The following INSL6 variants were observed in gnomAD, a reference collection of about 807,000 sequenced individuals.
INSL6 encodes insulin-like peptide INSL6.
INSL6 carries 16 observed loss-of-function variants against 9.4 expected under a neutral mutation model. The observed-to-expected ratio is 1.70, with a 90% CI of 1.15 to 2.59. The LOEUF is 2.59. Among genes scored for constraint, INSL6 ranks in the 30% most tolerant of loss-of-function variants. The pLI is 0.00. For missense variants in INSL6, 391 were observed against 257.3 expected, an observed-to-expected ratio of 1.52 and a Z score of -3.56; for synonymous variants, 154 against 96.9, an observed-to-expected ratio of 1.59 and a Z score of -3.46.
chr9:5,078,371 C>A, the INSL6 span: 6 of 1,612,134 alleles, frequency 3.7e-6, no homozygotes, highest in Non-Finnish European at 5.1e-6. Context: ...GAGAAGAAGA[C>A]AGGAAGACAG....
chr9:5,127,054 T>C, intron 3 of INSL6: 1 of 273,370 alleles, frequency 3.7e-6, no homozygotes, highest in Non-Finnish European at 6.9e-6. Context: ...ATCACTCTTG[T>C]CTGGCAAAAG....
chr9:5,013,050 C>T, the INSL6 span, among the ~76,000 whole-genome samples: 1 of 152,112 alleles, frequency 6.6e-6, no homozygotes, highest in South Asian at 2.1e-4. Context: ...TATTGATGGA[C>T]TGGATATAGG....
intron 2 of INSL6, among the ~76,000 whole-genome samples, chr9:5,137,156 TAGAA>T (rs1255954280): frequency 6.6e-6 from 1 of 152,112 alleles, no homozygotes; most frequent in Non-Finnish European, 1.5e-5. Flanking sequence ...TGCTCATGGA[TAGAA>T]AGAATCAATA....
At chr9:5,097,465 A>G in the INSL6 span, 2 of 152,182 alleles carry the variant, frequency 1.3e-5, no homozygotes, top group East Asian at 3.8e-4. Context: ...ATTTGGGTAT[A>G]TGGGCATAGT....
chr9:5,024,110 G>T, the INSL6 span, among the ~76,000 whole-genome samples: 5 of 152,218 alleles, frequency 3.3e-5, no homozygotes, highest in African/African-American at 9.6e-5. Context: ...CAAAAAATTA[G>T]CCAGGTGTGG....
the INSL6 span, chr9:5,029,844 T>A: frequency 6.2e-7 from 1 of 1,611,504 alleles, no homozygotes; most frequent in Non-Finnish European, 8.5e-7. Flanking sequence ...GGATCTGGTA[T>A]CCACCCAACC....
chr9:5,101,223 G>T, the INSL6 span, among the ~76,000 whole-genome samples: 1 of 152,238 alleles, frequency 6.6e-6, no homozygotes, highest in South Asian at 2.1e-4. Context: ...CACACCAGGA[G>T]ATTATATCCC....
the INSL6 span, chr9:5,029,878 A>T: frequency 1.2e-6 from 2 of 1,612,670 alleles, no homozygotes; most frequent in South Asian, 1.1e-5. Context: ...AGATGAGTCA[A>T]CCAGGCATAA....
At chr9:5,016,097 C>T in the INSL6 span, among the ~76,000 whole-genome samples, 3 of 150,122 alleles carry the variant, frequency 2.0e-5, no homozygotes, top group African/African-American at 5.1e-5. Flanking sequence ...TACTGCCAGC[C>T]GTCGCTTCCC....
the INSL6 span, among the ~76,000 whole-genome samples, chr9:5,004,590 A>G: frequency 6.9e-3 from 1,051 of 152,300 alleles, 21 homozygotes; most frequent in African/African-American, 0.024. Context: ...TAATGCTGCA[A>G]TGAGCATGGG....
At chr9:5,034,727 A>G in the INSL6 span, among the ~76,000 whole-genome samples, 3 of 152,178 alleles carry the variant, frequency 2.0e-5, no homozygotes, top group Non-Finnish European at 4.4e-5. Flanking sequence ...TCTCTGGGAC[A>G]CATTCAAAGC....
the INSL6 span, among the ~76,000 whole-genome samples, chr9:5,070,254 T>A: frequency 2.6e-5 from 4 of 152,300 alleles, no homozygotes; most frequent in Non-Finnish European, 5.9e-5. Context: ...AAGAATGGAA[T>A]CTTAATTTTC....
At chr9:5,115,849 T>C in the INSL6 span, among the ~76,000 whole-genome samples, 2 of 151,642 alleles carry the variant, frequency 1.3e-5, no homozygotes, top group Admixed American at 6.6e-5. Context: ...TAAGTGGGAG[T>C]TGAACAATGA....
the INSL6 span, among the ~76,000 whole-genome samples, chr9:5,064,604 CTGAGA>C: frequency 6.6e-6 from 1 of 151,674 alleles, no homozygotes; most frequent in South Asian, 2.1e-4. Flanking sequence ...AGATTTCTAG[CTGAGA>C]TAACTGGTAT....
intron 1 of INSL6, among the ~76,000 whole-genome samples, chr9:5,171,438 C>T (rs907635126): frequency 1.3e-5 from 2 of 152,172 alleles, no homozygotes; most frequent in African/African-American, 4.8e-5. Flanking sequence ...TAAGGATGCC[C>T]TCTCATCACT....
At chr9:5,166,845 T>A (rs1417574928) in intron 1 of INSL6, among the ~76,000 whole-genome samples, 2 of 152,222 alleles carry the variant, frequency 1.3e-5, no homozygotes, top group African/African-American at 4.8e-5. Flanking sequence ...TATGAGATTT[T>A]AAAATATTTA....
the INSL6 span, chr9:5,089,881 A>G: frequency 7.0e-7 from 1 of 1,430,158 alleles, no homozygotes; most frequent in Non-Finnish European, 9.2e-7. Context: ...GCCCATTGAA[A>G]CCTATTTTAA....
rs748921712 is a variant in INSL6, at chr9:5,185,574, A to G, written c.29T>C (p.Leu10Pro). Residue 10 changes from leucine (L) to proline (P), a missense_variant, in exon 1 of 2, where the codon CTG (leucine) becomes CCG (proline). Physicochemically the swap from Leu to Pro is moderately conservative, Grantham distance 98 (BLOSUM62 -3). Coordinates refer to ENST00000381641, the MANE Select transcript of INSL6 (RefSeq NM_007179.3). MPRLLRLSL[L>P]WLGLLLVRFS... Reference sequence around the variant, plus strand: ...CCGAACCAGCAGGAGTCCAAGCCACAGCAGGGACAAGCGGAGGAGCCGCGG... The same window carrying G: ...CCGAACCAGCAGGAGTCCAAGCCACGGCAGGGACAAGCGGAGGAGCCGCGG... 1.2e-5 allele frequency: 20 copies of G among 1,613,670 alleles called. No homozygotes were observed. Among genetic ancestry groups the G allele is most frequent in the Non-Finnish European group, 1.7e-5 (20 of 1,179,978 alleles).
chr9:5,034,567 A>G, the INSL6 span, among the ~76,000 whole-genome samples: 2 of 152,150 alleles, frequency 1.3e-5, no homozygotes, highest in East Asian at 1.9e-4. Flanking sequence ...TCAAACTAGA[A>G]CTCAGGATTA....
Sources: gnomAD v4.1 joint callset for allele counts (sites outside exome capture counted in the v4.1 genomes callset) on GRCh38, gnomAD v4.1.1 for gene constraint, MANE v1.5 for transcripts, NCBI Gene and HGNC (gene_info 2026-07-23, HGNC 2026-07-21) for gene names.